The following PCCA variants were observed in gnomAD, a reference collection of about 807,000 sequenced individuals.
PCCA encodes propionyl-CoA carboxylase subunit alpha.
A neutral mutation model predicts 101.3 loss-of-function variants in PCCA; 74 were observed. That is an observed-to-expected ratio of 0.73 (90% CI 0.61 to 0.89). The LOEUF is 0.89. Among genes scored for constraint, PCCA ranks in the 40% least tolerant of loss-of-function variants. The probability of loss-of-function intolerance (pLI) is 0.00; values close to 1 mark genes in which losing one functional copy is unlikely to be tolerated. For synonymous variants in PCCA, 294 were observed against 313.6 expected (o/e 0.94, Z 0.66); for missense variants, 891 against 907.0 (o/e 0.98, Z 0.23).
intron 19 of PCCA, among the ~76,000 whole-genome samples, chr13:100,382,362 CT>C (rs2076277418): frequency 6.6e-6 from 1 of 152,138 alleles, no homozygotes; most frequent in African/African-American, 2.4e-5. Flanking sequence ...CTTCTCCTCT[CT>C]GCTGATTGAG....
chr13:100,116,693 T>C (rs573352744), intron 4 of PCCA, among the ~76,000 whole-genome samples: 2 of 152,172 alleles, frequency 1.3e-5, no homozygotes, highest in African/African-American at 4.8e-5. Flanking sequence ...ATAATTTTGA[T>C]TTTTTTTGGG....
chr13:100,322,804 G>A (rs965489997), intron 16 of PCCA, among the ~76,000 whole-genome samples: 1 of 151,940 alleles, frequency 6.6e-6, no homozygotes, highest in African/African-American at 2.4e-5. Context: ...TTGAACTCCT[G>A]GTCTCAAGTC....
chr13:100,254,566 T>C (rs180989393), intron 8 of PCCA, among the ~76,000 whole-genome samples: 17 of 152,204 alleles, frequency 1.1e-4, no homozygotes, highest in Non-Finnish European at 2.2e-4. Context: ...TTAATTAGAG[T>C]GGCAGGGACA....
intron 16 of PCCA, among the ~76,000 whole-genome samples, chr13:100,326,204 G>A (rs1469149276): frequency 6.6e-6 from 1 of 152,196 alleles, no homozygotes; most frequent in African/African-American, 2.4e-5. Context: ...AGAGATTGTG[G>A]ATTTGACATA....
chr13:100,103,088 C>A (rs1460754141), intron 2 of PCCA, 128 bp downstream of exon 2: 1 of 687,464 alleles, frequency 1.5e-6, no homozygotes, highest in South Asian at 1.6e-5. Flanking sequence ...ATCACTCTAG[C>A]ATTGTGTGTT....
chr13:100,400,627 G>GTTTTTTTTTTTTTTTTTTTTTTTT lies in PCCA; in HGVS notation c.1747-25004_1747-25003insTTTTTTTTTTTTTTTTTTTTTTTT, dbSNP rs763331038. 6.2e-5 allele frequency among the ~76,000 whole-genome samples: 5 copies of GTTTTTTTTTTTTTTTTTTTTTTTT among 80,248 alleles called. 1 individual carries two copies. The highest frequency in any genetic ancestry group is 1.3e-4 in the African/African-American group (2 of 15,404). The allele number at this position is 80,248 out of a possible 152,430, so 52.6% of individuals were successfully genotyped here. The stretch of plus-strand genomic sequence containing the variant: ...TGATGATTGATCTTAGTTCTTTTTA[G>GTTTTTTTTTTTTTTTTTTTTTTTT]TTCTTTTTTTTTTTTTTTTTGAGAG... On this transcript the variant is annotated intron_variant, in intron 19 of 23. Coordinates refer to ENST00000376285, the MANE Select transcript of PCCA (RefSeq NM_000282.4).
At chr13:100,172,359 G>C (rs1383346320) in intron 6 of PCCA, among the ~76,000 whole-genome samples, 1 of 151,666 alleles carries the variant, frequency 6.6e-6, no homozygotes, top group Non-Finnish European at 1.5e-5. Context: ...TATTTTTTAG[G>C]ATCTGTTATT....
At chr13:100,235,926 A>T (rs769904256) in intron 8 of PCCA, 48 bp downstream of exon 8, 2 of 1,214,516 alleles carry the variant, frequency 1.6e-6, no homozygotes, top group Middle Eastern at 1.9e-4. Flanking sequence ...CTTTCAGCAG[A>T]TACGGTTGAG....
At chr13:100,231,026 C>T (rs1344120713) in intron 7 of PCCA, among the ~76,000 whole-genome samples, 2 of 152,164 alleles carry the variant, frequency 1.3e-5, no homozygotes, top group East Asian at 1.9e-4. Flanking sequence ...TTTTTCACTA[C>T]GCTTCTATTT....
intron 21 of PCCA, among the ~76,000 whole-genome samples, chr13:100,503,587 A>G (rs1345860360): frequency 6.6e-6 from 1 of 151,664 alleles, no homozygotes; most frequent in Non-Finnish European, 1.5e-5. Context: ...GAATGGCCAA[A>G]GATCATAAAT....
chr13:100,452,632 C>T (rs540025248), intron 21 of PCCA, among the ~76,000 whole-genome samples: 1 of 148,172 alleles, frequency 6.7e-6, no homozygotes, highest in Non-Finnish European at 1.5e-5. Context: ...TCTTATTCCC[C>T]CTCGCCCACT....
intron 7 of PCCA, among the ~76,000 whole-genome samples, chr13:100,215,472 C>T (rs563491730): frequency 6.6e-6 from 1 of 152,236 alleles, no homozygotes; most frequent in South Asian, 2.1e-4. Flanking sequence ...GCTATATTCA[C>T]AATTTTATAT....
intron 10 of PCCA, among the ~76,000 whole-genome samples, chr13:100,264,044 CTG>C (rs750114849): frequency 8.3e-5 from 12 of 145,438 alleles, no homozygotes; most frequent in African/African-American, 1.8e-4. Context: ...TATACGGTAT[CTG>C]TATATCGTAT....
At chr13:100,526,550 AG>A (rs1463465598) in intron 22 of PCCA, among the ~76,000 whole-genome samples, 2 of 152,226 alleles carry the variant, frequency 1.3e-5, no homozygotes, top group Admixed American at 6.5e-5. Flanking sequence ...TGGGGATTTC[AG>A]GAAAGAACAT....
At position 100,425,504 on chromosome 13, in the gene PCCA, A is replaced by C. The variant is rs377753303; in HGVS notation, c.1747-129A>C. ...GTTGGACCCTGTCTTTCTTGGCTGG[A>C]GCAGTAAACATGACAGGTTGTTTGG... On this transcript the variant is annotated intron_variant, in intron 19 of 23. Coordinates refer to ENST00000376285, the MANE Select transcript of PCCA (RefSeq NM_000282.4). 12 of 723,076 alleles carry C rather than the reference A, an allele frequency of 1.7e-5. No homozygotes were observed. The African/African-American group carries it at 1.9e-4, about 12-fold the overall frequency. 44.8% of individuals were successfully genotyped at this position (723,076 alleles called of 1,614,324 possible). A position where few individuals can be genotyped will look rare whatever the true frequency, so the allele number is the denominator to read the frequency against.
intron 21 of PCCA, among the ~76,000 whole-genome samples, chr13:100,460,155 T>TTTGG (rs2082073421): frequency 6.6e-6 from 1 of 152,210 alleles, no homozygotes; most frequent in African/African-American, 2.4e-5. Flanking sequence ...TTTGTTTTGT[T>TTTGG]TGCATGTTTT....
chr13:100,182,773 C>T (rs1006534189), intron 6 of PCCA, among the ~76,000 whole-genome samples: 1 of 152,076 alleles, frequency 6.6e-6, no homozygotes, highest in Non-Finnish European at 1.5e-5. Flanking sequence ...AGAGGAAAGC[C>T]TCTTTTTCTC....
At chr13:100,367,652 T>G (rs1031128570) in intron 18 of PCCA, among the ~76,000 whole-genome samples, 5 of 150,964 alleles carry the variant, frequency 3.3e-5, no homozygotes, top group African/African-American at 7.3e-5. Flanking sequence ...TTTGTTTTTT[T>G]TTTTTTGCAA....
chr13:100,314,425 C>T (rs1003998386), intron 16 of PCCA, among the ~76,000 whole-genome samples: 9 of 151,874 alleles, frequency 5.9e-5, no homozygotes, highest in East Asian at 5.8e-4. Context: ...ATCAATCTGC[C>T]ATTAGTGATT....
Sources: gnomAD v4.1 joint callset for allele counts (sites outside exome capture counted in the v4.1 genomes callset) on GRCh38, gnomAD v4.1.1 for gene constraint, MANE v1.5 for transcripts, NCBI Gene and HGNC (gene_info 2026-07-23, HGNC 2026-07-21) for gene names.